The following MARCHF1 variants were observed in gnomAD, a reference collection of about 807,000 sequenced individuals.
The protein encoded by MARCHF1 is E3 ubiquitin-protein ligase MARCHF1.
Under a neutral mutation model 54.2 loss-of-function variants are expected in MARCHF1, and 40 were observed. The ratio of observed to expected loss-of-function variants is 0.74; its 90% confidence interval spans 0.57 to 0.96. The LOEUF (loss-of-function observed/expected upper bound fraction) is 0.96. Among genes scored for constraint, MARCHF1 ranks in the 40% least tolerant of loss-of-function variants. MARCHF1 has a pLI of 0.00. For synonymous variants in MARCHF1, 236 were observed against 236.3 expected, an observed-to-expected ratio of 1.00 and a Z score of 0.01; for missense variants, 586 against 656.5, an observed-to-expected ratio of 0.89 and a Z score of 1.17.
At chr4:164,144,478 A>T (rs938562668) in intron 1 of MARCHF1, among the ~76,000 whole-genome samples, 1 of 151,970 alleles carries the variant, frequency 6.6e-6, no homozygotes, top group Non-Finnish European at 1.5e-5. Context: ...GATCTCTCAG[A>T]CCACAGTGCA....
At chr4:164,182,040 C>T (rs183859170) in intron 1 of MARCHF1, among the ~76,000 whole-genome samples, 77 of 152,144 alleles carry the variant, frequency 5.1e-4, no homozygotes, top group African/African-American at 1.7e-3. Context: ...AATTTTTTCT[C>T]TTCTTTTTCT....
At chr4:163,586,002 C>T in intron 7 of MARCHF1, 73 bp from the exon 8 acceptor site, 1 of 1,343,106 alleles carries the variant, frequency 7.4e-7, no homozygotes, top group East Asian at 2.4e-5. Flanking sequence ...TCTGCCCTTG[C>T]TTATACTAGG....
chr4:163,768,865 C>A (rs1747067863), intron 4 of MARCHF1, among the ~76,000 whole-genome samples: 1 of 152,076 alleles, frequency 6.6e-6, no homozygotes, highest in African/African-American at 2.4e-5. Flanking sequence ...GATTAAATTT[C>A]CTATACTTTC....
rs555787487 is a variant in MARCHF1 at position 163,808,918 on chromosome 4, T to C, written c.111+45103A>G. ...TAGTATTTGAGGAGAAAATAAGATATGTTGCTTGAGTAGTTGTCAGACGAG... is the reference window on the plus strand; with the variant it reads ...TAGTATTTGAGGAGAAAATAAGATACGTTGCTTGAGTAGTTGTCAGACGAG... On this transcript the variant is annotated intron_variant, in intron 4 of 9. Transcript: ENST00000514618. Among the ~76,000 whole-genome samples the C allele has an allele frequency of 6.6e-5, 10 of 152,264 alleles. No individual in the cohort carries two copies. In the South Asian group the frequency reaches 1.4e-3, roughly 22 times the overall value.
rs928842310 is a variant in MARCHF1, at chr4:163,898,704, G to T, written c.-38-44535C>A. Among the ~76,000 whole-genome samples the T allele has an allele frequency of 2.0e-5, 3 of 152,020 alleles. 1 individual carries two copies. The highest frequency in any genetic ancestry group is 1.3e-4 in the Admixed American group (2 of 15,244). On this transcript the variant is annotated intron_variant, in intron 3 of 9. Coordinates refer to ENST00000514618, the MANE Select transcript of MARCHF1 (RefSeq NM_001394959.1). ...TACTGAGTATCTACCCAATGGAAAA[G>T]AAATCATTACATAAAAAAGACACCT...
intron 1 of MARCHF1, among the ~76,000 whole-genome samples, chr4:164,302,617 C>A (rs1333984183): frequency 6.6e-6 from 1 of 151,980 alleles, no homozygotes; most frequent in African/African-American, 2.4e-5. Context: ...GTGGCTAACA[C>A]CTGTAATCCC....
chr4:164,238,326 A>G (rs907790359), intron 1 of MARCHF1, among the ~76,000 whole-genome samples: 1 of 152,070 alleles, frequency 6.6e-6, no homozygotes, highest in Non-Finnish European at 1.5e-5. Context: ...AGAAAAAACA[A>G]TAGTAAATCC....
chr4:163,562,604 C>T (rs993943204), intron 8 of MARCHF1, among the ~76,000 whole-genome samples: 1 of 152,128 alleles, frequency 6.6e-6, no homozygotes, highest in African/African-American at 2.4e-5. Flanking sequence ...CCCAATCTTT[C>T]TCATTGCTCT....
intron 3 of MARCHF1, among the ~76,000 whole-genome samples, chr4:163,903,739 T>C (rs1212393706): frequency 6.6e-6 from 1 of 151,998 alleles, no homozygotes; most frequent in African/African-American, 2.4e-5. Context: ...GCCCCACAAG[T>C]AGCTTGGACT....
intron 3 of MARCHF1, among the ~76,000 whole-genome samples, chr4:163,964,681 C>G (rs1560838994): frequency 2.0e-5 from 3 of 151,896 alleles, no homozygotes; most frequent in Non-Finnish European, 2.9e-5. Context: ...CTGCTTCTCT[C>G]TCTTTTGATT....
intron 1 of MARCHF1, among the ~76,000 whole-genome samples, chr4:164,164,464 T>C (rs972887856): frequency 6.6e-6 from 1 of 151,954 alleles, no homozygotes; most frequent in Non-Finnish European, 1.5e-5. Context: ...TCTATTAAGA[T>C]ATTATGAATA....
At chr4:164,360,461 TA>T (rs139151536) in intron 1 of MARCHF1, among the ~76,000 whole-genome samples, 2,260 of 152,226 alleles carry the variant, frequency 0.015, 75 homozygotes, top group East Asian at 0.13. Flanking sequence ...ACTAAGACAA[TA>T]AAAAACAATT....
rs112501191 is a variant in MARCHF1, at chr4:164,039,109, T to A, written c.-247-50400A>T. On this transcript the variant is annotated intron_variant, in intron 2 of 9. Transcript: ENST00000514618. ...GAACAAATACATGCACACACGTGTG[T>A]AATAGATTAGGGAGTAAAATAATCC... Among the ~76,000 whole-genome samples, 983 of 152,310 alleles carry A rather than the reference T, an allele frequency of 6.5e-3. 6 individuals are homozygous for A. Among genetic ancestry groups the A allele is most frequent in the Non-Finnish European group, 1.0e-2 (679 of 67,994 alleles).
intron 2 of MARCHF1, among the ~76,000 whole-genome samples, chr4:164,004,641 T>C (rs1409881126): frequency 1.3e-5 from 2 of 152,106 alleles, no homozygotes; most frequent in African/African-American, 2.4e-5. Flanking sequence ...TAATCATGTA[T>C]ATATTTTCTG....
chr4:163,724,053 T>C (rs1028770295), intron 4 of MARCHF1, among the ~76,000 whole-genome samples: 1 of 152,258 alleles, frequency 6.6e-6, no homozygotes, highest in Non-Finnish European at 1.5e-5. Flanking sequence ...CCAGCTTTGT[T>C]CCATTGCTGG....
chr4:163,987,065 T>C (rs775796552), intron 3 of MARCHF1, among the ~76,000 whole-genome samples: 23 of 152,226 alleles, frequency 1.5e-4, no homozygotes, highest in Non-Finnish European at 2.9e-4. Context: ...GGCATTTCTA[T>C]ACCTATTTGC....
At chr4:163,913,961 C>T (rs1369489321) in intron 3 of MARCHF1, among the ~76,000 whole-genome samples, 2 of 150,728 alleles carry the variant, frequency 1.3e-5, no homozygotes, top group African/African-American at 2.4e-5. Context: ...GTCTGACTTA[C>T]GAAAGGGATG....
chr4:164,253,587 T>G (rs1472505990), intron 1 of MARCHF1, among the ~76,000 whole-genome samples: 37 of 152,148 alleles, frequency 2.4e-4, no homozygotes, highest in Non-Finnish European at 1.2e-4. Flanking sequence ...GGGAAAAATA[T>G]TGATTGAAGC....
chr4:164,141,800 A>G (rs1456545779), intron 1 of MARCHF1, among the ~76,000 whole-genome samples: 4 of 152,226 alleles, frequency 2.6e-5, no homozygotes, highest in Non-Finnish European at 5.9e-5. Context: ...TAAAAATTAC[A>G]TATGTTGGGG....
Sources: gnomAD v4.1 joint callset for allele counts (sites outside exome capture counted in the v4.1 genomes callset) on GRCh38, gnomAD v4.1.1 for gene constraint, MANE v1.5 for transcripts, NCBI Gene and HGNC (gene_info 2026-07-23, HGNC 2026-07-21) for gene names.